ROBO1: variants seen among roughly 807,000 people sequenced by gnomAD.
ROBO1 encodes roundabout homolog 1.
In ROBO1, 149 loss-of-function variants were observed where a neutral mutation model predicts 195.9. The ratio of observed to expected loss-of-function variants is 0.76; its 90% CI spans 0.67 to 0.87. The LOEUF (loss-of-function observed/expected upper bound fraction) is 0.87, where lower values mean the gene tolerates loss of function less well. Ranked by LOEUF, ROBO1 falls within the 40% of genes least tolerant of loss-of-function variation. The pLI is 0.00. For missense variants in ROBO1, 1,933 were observed against 2,068.3 expected (o/e 0.93, Z 1.27); for synonymous variants, 816 against 733.2 (o/e 1.11, Z -1.82).
chr3:78,688,176 T>G (rs1026711554), intron 9 of ROBO1, among the ~76,000 whole-genome samples: 1 of 152,212 alleles, frequency 6.6e-6, no homozygotes, highest in Admixed American at 6.5e-5. Flanking sequence ...TATAACAAAC[T>G]ATATTTAACA....
At chr3:79,339,365 T>A (rs1210966108) in intron 2 of ROBO1, among the ~76,000 whole-genome samples, 1 of 152,226 alleles carries the variant, frequency 6.6e-6, no homozygotes, top group Non-Finnish European at 1.5e-5. Flanking sequence ...CTTCTCTGGC[T>A]TTGTGTGCTG....
intron 2 of ROBO1, among the ~76,000 whole-genome samples, chr3:79,275,368 C>A (rs535890234): frequency 2.6e-5 from 4 of 151,714 alleles, no homozygotes; most frequent in Non-Finnish European, 5.9e-5. Context: ...CAACAGAATG[C>A]AGGATAAAAA....
intron 4 of ROBO1, among the ~76,000 whole-genome samples, chr3:78,859,940 G>A (rs331163): frequency 0.26 from 39,190 of 151,930 alleles, 5,791 homozygotes; most frequent in Non-Finnish European, 0.34. Context: ...TTAGCCGGGC[G>A]TGGTGGCGGA....
At chr3:79,402,396 C>T (rs1484483190) in intron 2 of ROBO1, among the ~76,000 whole-genome samples, 1 of 151,864 alleles carries the variant, frequency 6.6e-6, no homozygotes, top group African/African-American at 2.4e-5. Context: ...TCTGTACCAA[C>T]AAAGCAATAT....
chr3:79,384,517 C>T (rs571170540), intron 2 of ROBO1, among the ~76,000 whole-genome samples: 9 of 151,888 alleles, frequency 5.9e-5, no homozygotes, highest in Non-Finnish European at 1.3e-4. Context: ...AGGAAGAAAG[C>T]ACATAAACCC....
At chr3:79,098,086 T>C (rs1313282269) in intron 3 of ROBO1, among the ~76,000 whole-genome samples, 1 of 151,778 alleles carries the variant, frequency 6.6e-6, no homozygotes, top group Admixed American at 6.6e-5. Context: ...GTTTGATGAC[T>C]GAGAACCAAA....
intron 2 of ROBO1, among the ~76,000 whole-genome samples, chr3:79,141,235 C>T (rs1301445157): frequency 6.6e-6 from 1 of 152,056 alleles, no homozygotes; most frequent in South Asian, 2.1e-4. Flanking sequence ...CACCTGCCCT[C>T]CCTCGTGTGT....
intron 3 of ROBO1, among the ~76,000 whole-genome samples, chr3:79,055,059 A>G (rs7625358): frequency 0.96 from 145,799 of 152,180 alleles, 70,168 homozygotes; most frequent in East Asian, 1. Context: ...TTTGCCTTTA[A>G]TTTTCCCCAT....
chr3:79,682,468 G>T (rs1192010200), intron 1 of ROBO1, among the ~76,000 whole-genome samples: 1 of 151,860 alleles, frequency 6.6e-6, no homozygotes, highest in Non-Finnish European at 1.5e-5. Context: ...ACAAATTATG[G>T]ACACCACTCT....
At chr3:79,252,561 A>T (rs1273601008) in intron 2 of ROBO1, among the ~76,000 whole-genome samples, 2 of 152,152 alleles carry the variant, frequency 1.3e-5, no homozygotes, top group East Asian at 3.9e-4. Flanking sequence ...GAGAAAATAA[A>T]TTTCTGTTGT....
chr3:79,393,934 A>G (rs1043297113), intron 2 of ROBO1, among the ~76,000 whole-genome samples: 2 of 152,160 alleles, frequency 1.3e-5, no homozygotes, highest in Non-Finnish European at 2.9e-5. Context: ...GAATAGAAAA[A>G]AAGAATCCTG....
intron 2 of ROBO1, among the ~76,000 whole-genome samples, chr3:79,299,533 A>G (rs1559800580): frequency 6.6e-6 from 1 of 152,208 alleles, no homozygotes; most frequent in East Asian, 1.9e-4. Context: ...ATAAATGTTA[A>G]CAATTAATAC....
At chr3:79,706,195 G>T (rs1232275634) in intron 1 of ROBO1, among the ~76,000 whole-genome samples, 1 of 152,094 alleles carries the variant, frequency 6.6e-6, no homozygotes. Flanking sequence ...ATATTGAAAA[G>T]AAGTGGTGGG....
intron 2 of ROBO1, among the ~76,000 whole-genome samples, chr3:79,311,110 T>C (rs1035717980): frequency 3.3e-5 from 5 of 152,342 alleles, no homozygotes; most frequent in Admixed American, 2.6e-4. Flanking sequence ...ATTTTGATAA[T>C]GGTTGAATTA....
intron 26 of ROBO1, among the ~76,000 whole-genome samples, chr3:78,625,878 G>A (rs976838369): frequency 2.6e-5 from 4 of 152,078 alleles, no homozygotes; most frequent in African/African-American, 7.2e-5. Context: ...ATGAAGCAGC[G>A]GGAGAGAGCA....
At chr3:78,913,078 T>C (rs1201491207) in intron 4 of ROBO1, among the ~76,000 whole-genome samples, 1 of 152,168 alleles carries the variant, frequency 6.6e-6, no homozygotes, top group African/African-American at 2.4e-5. Context: ...ATAAAATGTA[T>C]ATTTACCATT....
At chr3:78,666,451 T>C (rs10865570) in intron 14 of ROBO1, among the ~76,000 whole-genome samples, 86,520 of 152,080 alleles carry the variant, frequency 0.57, 25,342 homozygotes, top group East Asian at 0.78. Flanking sequence ...GCTCTAGTCA[T>C]CAAAACCTTT....
At chr3:78,641,970 T>C (rs1015295200) in intron 21 of ROBO1, among the ~76,000 whole-genome samples, 9 of 152,132 alleles carry the variant, frequency 5.9e-5, no homozygotes, top group Admixed American at 1.3e-4. Context: ...TACTGGCCTA[T>C]AATGAACCTT....
chr3:78,800,041 T>C (rs750012521), intron 4 of ROBO1, among the ~76,000 whole-genome samples: 7 of 152,204 alleles, frequency 4.6e-5, no homozygotes, highest in African/African-American at 4.8e-5. Context: ...GGTTTTAAAG[T>C]AGACATTCTG....
Sources: allele counts gnomAD v4.1 joint callset (sites outside exome capture counted in the v4.1 genomes callset), GRCh38; gene constraint gnomAD v4.1.1; transcripts MANE v1.5; gene names NCBI Gene and HGNC (gene_info 2026-07-23, HGNC 2026-07-21).